GPC5: variants seen among roughly 807,000 people sequenced by gnomAD.
The protein encoded by GPC5 is glypican 5.
A neutral mutation model predicts 53.9 loss-of-function variants in GPC5; 47 were observed. That is an observed-to-expected ratio of 0.87 (90% CI 0.69 to 1.11). The LOEUF is 1.11. Among genes scored for constraint, GPC5 ranks in the 50% most tolerant of loss-of-function variants. GPC5 has a pLI of 0.00. For synonymous variants in GPC5, 286 were observed against 263.3 expected, an observed-to-expected ratio of 1.09 and a Z score of -0.84; for missense variants, 748 against 713.1, an observed-to-expected ratio of 1.05 and a Z score of -0.56.
At position 92,546,412 on chromosome 13, in the gene GPC5, T is replaced by C. The variant is rs186701765; in HGVS notation, c.1562-319870T>C. 5.9e-5 allele frequency among the ~76,000 whole-genome samples: 9 copies of C among 152,236 alleles called. No homozygotes were observed. In the East Asian group the frequency reaches 1.7e-3, roughly 29 times the overall value. ...AGCCAAATCATGAGTGAACTCCCAT[T>C]CACAATTGCTTCAAAGAGAATAAAT... On this transcript the variant is annotated intron_variant, in intron 7 of 7. Transcript: ENST00000377067.
intron 2 of GPC5, among the ~76,000 whole-genome samples, chr13:91,662,155 T>C (rs916415905): frequency 1.3e-5 from 2 of 151,854 alleles, no homozygotes; most frequent in African/African-American, 4.8e-5. Context: ...CCTTTTCAAT[T>C]AGAAGGATGG....
At chr13:91,502,588 A>G (rs1884700039) in intron 2 of GPC5, among the ~76,000 whole-genome samples, 1 of 152,172 alleles carries the variant, frequency 6.6e-6, no homozygotes, top group African/African-American at 2.4e-5. Context: ...GAATCCCAGA[A>G]CTGCAGTTTC....
rs564737151 is a variant in GPC5, at chr13:92,291,995, G to C, written c.1561+147006G>C. Among the ~76,000 whole-genome samples the C allele has an allele frequency of 3.2e-4, 49 of 152,204 alleles. 1 individual carries two copies. The South Asian group carries it at 5.2e-3, about 16-fold the overall frequency. ...TAAGAACTGTAACACTCACCACAAG[G>C]GTCCGCGGCTTCATTCTTGAAGTCA... On this transcript the variant is annotated intron_variant, in intron 7 of 7. Transcript: ENST00000377067.
At chr13:92,316,950 G>A (rs986448507) in intron 7 of GPC5, among the ~76,000 whole-genome samples, 3 of 151,930 alleles carry the variant, frequency 2.0e-5, no homozygotes, top group Admixed American at 6.6e-5. Flanking sequence ...TCTCCATAAC[G>A]TGCTAATGAA....
chr13:92,623,701 T>C (rs1884951741), intron 7 of GPC5, among the ~76,000 whole-genome samples: 2 of 152,028 alleles, frequency 1.3e-5, no homozygotes. Context: ...GAAATGAACA[T>C]TATAAGAAAT....
At position 91,674,400 on chromosome 13, in the gene GPC5, C is replaced by CATATATATATATATACACACACACAT. The variant is rs148433294; in HGVS notation, c.326-18774_326-18773insTACACACACACATATATATATATATA. ...CATTATATATATATATACACACACACATATATATATATACACACACACATA... is the reference window on the plus strand; with the variant it reads ...CATTATATATATATATACACACACACATATATATATATATACACACACACATATATATATATATACACACACACATA... On this transcript the variant is annotated intron_variant, in intron 2 of 7. Coordinates refer to ENST00000377067, the MANE Select transcript of GPC5 (RefSeq NM_004466.6). Among the ~76,000 whole-genome samples the CATATATATATATATACACACACACAT allele has an allele frequency of 2.1e-5, 3 of 139,910 alleles. 1 individual carries two copies. Among genetic ancestry groups the CATATATATATATATACACACACACAT allele is most frequent in the African/African-American group, 8.2e-5 (3 of 36,372 alleles). The allele number at this position is 139,910 out of a possible 152,430, so 91.8% of individuals were successfully genotyped here. A position where few individuals can be genotyped will look rare whatever the true frequency, so the allele number is the denominator to read the frequency against.
At chr13:91,629,097 T>C (rs1392582235) in intron 2 of GPC5, among the ~76,000 whole-genome samples, 6 of 152,176 alleles carry the variant, frequency 3.9e-5, no homozygotes, top group Non-Finnish European at 8.8e-5. Context: ...GGCATCATGA[T>C]TGTGATTATC....
intron 2 of GPC5, among the ~76,000 whole-genome samples, chr13:91,569,577 T>C (rs1224362446): frequency 2.0e-5 from 3 of 152,114 alleles, no homozygotes; most frequent in African/African-American, 4.8e-5. Context: ...TTCAAGAATC[T>C]AGAAGAAGTA....
chr13:92,364,610 G>C (rs1016631184), intron 7 of GPC5, among the ~76,000 whole-genome samples: 1 of 151,566 alleles, frequency 6.6e-6, no homozygotes, highest in Admixed American at 6.6e-5. Flanking sequence ...AGAACCTGTA[G>C]TCCCAGCTAC....
At chr13:92,505,783 G>T (rs1434794731) in intron 7 of GPC5, among the ~76,000 whole-genome samples, 1 of 152,084 alleles carries the variant, frequency 6.6e-6, no homozygotes, top group East Asian at 1.9e-4. Flanking sequence ...CAATTAAAAT[G>T]TGTGCATTAT....
At chr13:91,822,298 A>T (rs1388234722) in intron 5 of GPC5, among the ~76,000 whole-genome samples, 1 of 152,292 alleles carries the variant, frequency 6.6e-6, no homozygotes, top group East Asian at 1.9e-4. Context: ...CTGGATGTTG[A>T]TTAATTTCCA....
chr13:92,672,982 A>G (rs1886800768), intron 7 of GPC5, among the ~76,000 whole-genome samples: 1 of 152,158 alleles, frequency 6.6e-6, no homozygotes, highest in Admixed American at 6.5e-5. Context: ...ACAAACCCCC[A>G]TGACACAAGT....
At chr13:91,419,186 G>A (rs1446367755) in intron 1 of GPC5, among the ~76,000 whole-genome samples, 1 of 152,010 alleles carries the variant, frequency 6.6e-6, no homozygotes, top group Non-Finnish European at 1.5e-5. Context: ...ATAGTTTCCA[G>A]TTAGCTATAG....
intron 2 of GPC5, among the ~76,000 whole-genome samples, chr13:91,569,924 T>A (rs2031707173): frequency 6.6e-6 from 1 of 152,136 alleles, no homozygotes; most frequent in Admixed American, 6.6e-5. Flanking sequence ...AAGTTTCTGT[T>A]TTTTATAAAT....
intron 6 of GPC5, among the ~76,000 whole-genome samples, chr13:91,969,466 G>A (rs564086672): frequency 7.9e-5 from 12 of 152,070 alleles, no homozygotes; most frequent in African/African-American, 2.4e-4. Context: ...GGTCTTGATG[G>A]TAATTTTTTT....
intron 5 of GPC5, among the ~76,000 whole-genome samples, chr13:91,859,562 C>T (rs147700241): frequency 7.2e-5 from 11 of 151,892 alleles, no homozygotes; most frequent in Admixed American, 2.0e-4. Context: ...CTGCCAAATT[C>T]GTGAGTATAG....
chr13:92,318,372 A>G (rs1363926780), intron 7 of GPC5, among the ~76,000 whole-genome samples: 1 of 152,188 alleles, frequency 6.6e-6, no homozygotes, highest in Non-Finnish European at 1.5e-5. Flanking sequence ...TTAATATGGA[A>G]TAAGGGAGAA....
At chr13:91,408,269 G>A (rs1877473969) in intron 1 of GPC5, among the ~76,000 whole-genome samples, 1 of 152,046 alleles carries the variant, frequency 6.6e-6, no homozygotes, top group African/African-American at 2.4e-5. Flanking sequence ...CTTTCTATGA[G>A]ATCAACCTTT....
At chr13:92,547,307 G>A (rs778973683) in intron 7 of GPC5, among the ~76,000 whole-genome samples, 14 of 151,946 alleles carry the variant, frequency 9.2e-5, no homozygotes, top group Admixed American at 1.3e-4. Flanking sequence ...ATATTTTTTC[G>A]AAGTACTTTA....
Sources: gnomAD v4.1 joint callset for allele counts (sites outside exome capture counted in the v4.1 genomes callset) on GRCh38, gnomAD v4.1.1 for gene constraint, MANE v1.5 for transcripts, NCBI Gene and HGNC (gene_info 2026-07-23, HGNC 2026-07-21) for gene names.